The following EPHB1 variants were observed in gnomAD, a reference collection of about 807,000 sequenced individuals.
EPHB1 encodes EPH receptor B1.
A neutral mutation model predicts 94.4 loss-of-function variants in EPHB1; 30 were observed. The ratio of observed to expected loss-of-function variants is 0.32; its 90% CI spans 0.24 to 0.43. The LOEUF (loss-of-function observed/expected upper bound fraction) is 0.43. EPHB1 is among the 20% of genes least tolerant of loss of function. The pLI is 1.00. For missense variants in EPHB1, 1,055 were observed against 1,308.3 expected, an observed-to-expected ratio of 0.81 and a Z score of 2.99; for synonymous variants, 522 against 489.1, an observed-to-expected ratio of 1.07 and a Z score of -0.89.
chr3:135,132,715 C>T lies in EPHB1; in HGVS notation c.963C>T (p.Ser321=), dbSNP rs746454977. 12 of 1,576,142 alleles carry T rather than the reference C, an allele frequency of 7.6e-6. No homozygotes were observed. The East Asian group carries it at 1.4e-4, about 18-fold the overall frequency. Residue 321 remains serine (S), a splice_region_variant and synonymous_variant, in exon 5 of 16, where the codon AGC becomes AGT. Transcript: ENST00000398015. ...DFDPPEVACT[S]VPSGPRNVIS... Reference sequence around the variant, plus strand: ...TGGACCTTCTTTGTCTCCCTGCAGGCGTCCCATCAGGTCCCCGCAATGTTA... The same window carrying T: ...TGGACCTTCTTTGTCTCCCTGCAGGTGTCCCATCAGGTCCCCGCAATGTTA...
intron 12 of EPHB1, among the ~76,000 whole-genome samples, chr3:135,224,266 A>G (rs1159294739): frequency 2.0e-5 from 3 of 152,206 alleles, no homozygotes; most frequent in Admixed American, 6.5e-5. Flanking sequence ...CTGGATTTCC[A>G]CTGATTTTCT....
chr3:135,010,563 T>G (rs1333400206), intron 3 of EPHB1, among the ~76,000 whole-genome samples: 1 of 94,926 alleles, frequency 1.1e-5, no homozygotes, highest in African/African-American at 1.4e-4. Context: ...TTTCTGTTTT[T>G]TTTTTTTTTT....
chr3:135,005,782 T>G (rs1935382906), intron 3 of EPHB1, among the ~76,000 whole-genome samples: 1 of 152,256 alleles, frequency 6.6e-6, no homozygotes, highest in South Asian at 2.1e-4. Context: ...CCCCTTGTGC[T>G]TCCCGAGTGA....
chr3:135,242,039 A>T (rs1272011894), intron 13 of EPHB1, among the ~76,000 whole-genome samples: 1 of 152,176 alleles, frequency 6.6e-6, no homozygotes, highest in Non-Finnish European at 1.5e-5. Context: ...TCCACATGAG[A>T]ACCTTTGCTC....
chr3:134,963,463 G>A (rs529818923), intron 3 of EPHB1, among the ~76,000 whole-genome samples: 2 of 152,224 alleles, frequency 1.3e-5, no homozygotes, highest in East Asian at 3.9e-4. Context: ...TGGGTATGGA[G>A]CACACTTCTG....
intron 5 of EPHB1, among the ~76,000 whole-genome samples, chr3:135,144,100 C>T (rs1208144304): frequency 6.6e-6 from 1 of 152,174 alleles, no homozygotes; most frequent in Non-Finnish European, 1.5e-5. Context: ...TGCCTGGCCT[C>T]CTCAAGGCTC....
chr3:135,198,732 G>T (rs1321150259), intron 11 of EPHB1, among the ~76,000 whole-genome samples: 1 of 152,202 alleles, frequency 6.6e-6, no homozygotes, highest in Non-Finnish European at 1.5e-5. Context: ...AGGGATCATT[G>T]CTACCGTCTT....
chr3:134,809,984 G>C (rs1196456876), intron 1 of EPHB1, among the ~76,000 whole-genome samples: 1 of 152,238 alleles, frequency 6.6e-6, no homozygotes, highest in Non-Finnish European at 1.5e-5. Context: ...ACATGCCAAG[G>C]AGAGATGAGA....
intron 3 of EPHB1, among the ~76,000 whole-genome samples, chr3:135,085,133 A>G (rs944592027): frequency 6.6e-6 from 1 of 152,220 alleles, no homozygotes; most frequent in Non-Finnish European, 1.5e-5. Context: ...GGCTTTAATA[A>G]TAATGACCCT....
chr3:134,801,008 T>C (rs1043355204), intron 1 of EPHB1, among the ~76,000 whole-genome samples: 14 of 152,226 alleles, frequency 9.2e-5, no homozygotes, highest in Non-Finnish European at 1.9e-4. Context: ...TTGAAGGCTT[T>C]GCATGAAGGA....
At chr3:135,068,240 G>A (rs542717694) in intron 3 of EPHB1, among the ~76,000 whole-genome samples, 1 of 152,232 alleles carries the variant, frequency 6.6e-6, no homozygotes, top group South Asian at 2.1e-4. Flanking sequence ...CATGATGATC[G>A]GGAACCAATC....
chr3:134,875,067 G>C (rs1380513703), intron 1 of EPHB1, among the ~76,000 whole-genome samples: 1 of 152,136 alleles, frequency 6.6e-6, no homozygotes, highest in African/African-American at 2.4e-5. Flanking sequence ...GCTCAGTCCT[G>C]GCATACTTAG....
At chr3:135,030,188 A>G (rs2107759567) in intron 3 of EPHB1, among the ~76,000 whole-genome samples, 1 of 152,194 alleles carries the variant, frequency 6.6e-6, no homozygotes, top group East Asian at 1.9e-4. Context: ...CATAGCTCAG[A>G]GTAATTTGAT....
At chr3:134,842,642 T>C (rs2036797690) in intron 1 of EPHB1, among the ~76,000 whole-genome samples, 1 of 152,264 alleles carries the variant, frequency 6.6e-6, no homozygotes, top group Admixed American at 6.5e-5. Context: ...CTGACTTTTC[T>C]AACCTTTTCT....
At chr3:135,007,117 C>A (rs906923229) in intron 3 of EPHB1, among the ~76,000 whole-genome samples, 31 of 152,308 alleles carry the variant, frequency 2.0e-4, no homozygotes, top group African/African-American at 7.5e-4. Context: ...AGTCTACCTC[C>A]TTTTCAGTTT....
At chr3:134,798,688 A>G (rs2035877676) in intron 1 of EPHB1, among the ~76,000 whole-genome samples, 2 of 152,134 alleles carry the variant, frequency 1.3e-5, no homozygotes, top group Non-Finnish European at 2.9e-5. Flanking sequence ...CTTCAAGCCC[A>G]CCGGTGCCTT....
chr3:135,179,451 G>A (rs914670752), intron 9 of EPHB1, among the ~76,000 whole-genome samples: 3 of 152,142 alleles, frequency 2.0e-5, no homozygotes, highest in Non-Finnish European at 4.4e-5. Context: ...CCTCCACTCA[G>A]GAAAGTTGTC....
intron 1 of EPHB1, among the ~76,000 whole-genome samples, chr3:134,915,843 G>A (rs1480568175): frequency 6.6e-6 from 1 of 152,208 alleles, no homozygotes; most frequent in Non-Finnish European, 1.5e-5. Flanking sequence ...GACCCAAAGA[G>A]TGAGCAGCAG....
In EPHB1 at chr3:135,166,217, G is replaced by C. The variant is rs377247500; in HGVS notation, c.1694+141G>C. The C allele has an allele frequency of 1.8e-4, 112 of 624,084 alleles. 1 individual carries two copies. The East Asian group carries it at 2.2e-3, about 12-fold the overall frequency. The allele number at this position is 624,084 out of a possible 1,614,324, so 38.7% of individuals were successfully genotyped here. On this transcript the variant is annotated intron_variant, in intron 8 of 15. Transcript: ENST00000398015. ...TCCATCTCAATCCAAGAGCAGCCTA[G>C]AATTCTTTAGATATTTATTTAGCTG...
Sources: gnomAD v4.1 joint callset for allele counts (sites outside exome capture counted in the v4.1 genomes callset) on GRCh38, gnomAD v4.1.1 for gene constraint, MANE v1.5 for transcripts, NCBI Gene and HGNC (gene_info 2026-07-23, HGNC 2026-07-21) for gene names.